The following CTNND2 variants were observed in gnomAD, a reference collection of about 807,000 sequenced individuals.
The protein encoded by CTNND2 is catenin delta 2.
In CTNND2, 22 loss-of-function variants were observed where a neutral mutation model predicts 144.4. That is an observed-to-expected ratio of 0.15 (90% confidence interval 0.11 to 0.22). CTNND2 has a LOEUF of 0.22. CTNND2 is among the 10% of genes least tolerant of loss of function. The pLI, the probability that CTNND2 is intolerant of heterozygous loss-of-function variation, is 1.00. For synonymous variants in CTNND2, 751 were observed against 695.6 expected (o/e 1.08, Z -1.25); for missense variants, 1,353 against 1,618.8 (o/e 0.84, Z 2.82).
intron 1 of CTNND2, among the ~76,000 whole-genome samples, chr5:11,807,357 A>T (rs1792060259): frequency 6.6e-6 from 1 of 152,154 alleles, no homozygotes; most frequent in Non-Finnish European, 1.5e-5. Flanking sequence ...GCTTGCTTAA[A>T]CCATCCCTAC....
intron 3 of CTNND2, among the ~76,000 whole-genome samples, chr5:11,455,790 T>C (rs915779917): frequency 2.6e-5 from 4 of 152,312 alleles, no homozygotes; most frequent in Admixed American, 6.5e-5. Flanking sequence ...AGAAGGTTTT[T>C]TTTTCTGCTC....
intron 6 of CTNND2, among the ~76,000 whole-genome samples, chr5:11,389,975 T>C (rs992656460): frequency 2.6e-5 from 4 of 152,174 alleles, no homozygotes; most frequent in African/African-American, 9.7e-5. Flanking sequence ...GGGAGTCCCA[T>C]CCCAAGAAAT....
In CTNND2 at chr5:11,443,294, G is replaced by A. The variant is rs151209505; in HGVS notation, c.288-31225C>T. On this transcript the variant is annotated intron_variant, in intron 3 of 21. Coordinates refer to ENST00000304623, the MANE Select transcript of CTNND2 (RefSeq NM_001332.4). ...TGTGGTATGTGTGCATGTGTGTGGT[G>A]TGTGTGCATGTGTGTGGTGTGTGTG... Among the ~76,000 whole-genome samples the A allele has an allele frequency of 6.7e-3, 627 of 93,648 alleles. 6 individuals are homozygous for A. Among genetic ancestry groups the A allele is most frequent in the African/African-American group, 0.047 (577 of 12,288 alleles). 61.4% of individuals were successfully genotyped at this position (93,648 alleles called of 152,430 possible).
At chr5:11,316,763 T>TA in intron 9 of CTNND2, among the ~76,000 whole-genome samples, 1 of 151,810 alleles carries the variant, frequency 6.6e-6, no homozygotes, top group East Asian at 1.9e-4. Context: ...GTCCTTGCGA[T>TA]GTTTACTAAG....
intron 3 of CTNND2, among the ~76,000 whole-genome samples, chr5:11,418,234 C>T (rs1197355316): frequency 6.6e-6 from 1 of 151,860 alleles, no homozygotes; most frequent in African/African-American, 2.4e-5. Flanking sequence ...TGGAGAAACC[C>T]CATCTCTACT....
At chr5:11,897,123 C>T (rs997157820) in intron 1 of CTNND2, among the ~76,000 whole-genome samples, 1 of 152,186 alleles carries the variant, frequency 6.6e-6, no homozygotes, top group African/African-American at 2.4e-5. Flanking sequence ...AAGAACAATG[C>T]TCCACACCAG....
chr5:11,062,281 C>A (rs183781941), intron 16 of CTNND2, among the ~76,000 whole-genome samples: 2 of 152,284 alleles, frequency 1.3e-5, no homozygotes, highest in Non-Finnish European at 2.9e-5. Context: ...TGAATTGTGG[C>A]ACTTCTATTT....
At chr5:11,010,792 G>C (rs1304445196) in intron 18 of CTNND2, among the ~76,000 whole-genome samples, 1 of 152,238 alleles carries the variant, frequency 6.6e-6, no homozygotes, top group East Asian at 1.9e-4. Flanking sequence ...GTGTGAGACA[G>C]GCCATGAAGG....
intron 10 of CTNND2, among the ~76,000 whole-genome samples, chr5:11,207,277 C>T (rs1053404083): frequency 6.6e-6 from 1 of 151,662 alleles, no homozygotes; most frequent in African/African-American, 2.4e-5. Context: ...AGGAGAAATA[C>T]CTAACGTACA....
At chr5:11,223,657 C>T (rs1213064916) in intron 10 of CTNND2, among the ~76,000 whole-genome samples, 2 of 152,174 alleles carry the variant, frequency 1.3e-5, no homozygotes, top group Non-Finnish European at 2.9e-5. Context: ...CCTCTAGAGC[C>T]AGGAGAGGTG....
chr5:11,209,484 T>A (rs185900832), intron 10 of CTNND2, among the ~76,000 whole-genome samples: 51 of 152,296 alleles, frequency 3.3e-4, no homozygotes, highest in African/African-American at 1.1e-3. Flanking sequence ...AGAAGTTGAC[T>A]ATAGATCATG....
chr5:10,973,504 T>C lies in CTNND2; in HGVS notation c.3627A>G (p.Glu1209=). ...DFYSAARPYS[E]LNYETSHYPA... is the part of the protein sequence containing the mutation. Reference sequence around the variant, plus strand: ...GGTAGTGGCTCGTTTCATAGTTCAGTTCACTGTAGGGACGGGCAGCTGAGT... The same window carrying C: ...GGTAGTGGCTCGTTTCATAGTTCAGCTCACTGTAGGGACGGGCAGCTGAGT... The change falls in exon 22 of 22, where the codon GAA becomes GAG. Residue 1209 remains glutamate (E), a synonymous_variant. Coordinates refer to ENST00000304623, the MANE Select transcript of CTNND2 (RefSeq NM_001332.4). The surrounding 1 kb of genome is among the most constrained non-coding windows in gnomAD (Gnocchi z 5.6). 1 of 1,610,588 alleles carries C rather than the reference T, an allele frequency of 6.2e-7. No individual in the cohort carries two copies. The highest frequency in any genetic ancestry group is 8.5e-7 in the Non-Finnish European group (1 of 1,178,178).
At chr5:11,216,578 C>T (rs1739223686) in intron 10 of CTNND2, among the ~76,000 whole-genome samples, 1 of 152,222 alleles carries the variant, frequency 6.6e-6, no homozygotes, top group African/African-American at 2.4e-5. Context: ...CAGAAAGGAA[C>T]ACAAACCTGC....
At chr5:11,223,491 T>TCC (rs1165893464) in intron 10 of CTNND2, among the ~76,000 whole-genome samples, 154 of 152,302 alleles carry the variant, frequency 1.0e-3, no homozygotes, top group Non-Finnish European at 1.9e-3. Flanking sequence ...TAGCTTCCTT[T>TCC]CCTCTCCTAG....
chr5:11,034,329 T>C (rs1339209159), intron 16 of CTNND2, among the ~76,000 whole-genome samples: 1 of 152,228 alleles, frequency 6.6e-6, no homozygotes, highest in Admixed American at 6.5e-5. Context: ...AGTGTTCAGC[T>C]AGATTGAATT....
At chr5:11,420,062 C>T (rs1762242208) in intron 3 of CTNND2, among the ~76,000 whole-genome samples, 2 of 152,154 alleles carry the variant, frequency 1.3e-5, no homozygotes, top group South Asian at 4.2e-4. Context: ...TGGTGGCTCA[C>T]ACCTGTAATC....
intron 1 of CTNND2, among the ~76,000 whole-genome samples, chr5:11,752,242 T>C (rs1328267967): frequency 3.3e-5 from 5 of 151,928 alleles, no homozygotes; most frequent in Non-Finnish European, 5.9e-5. Flanking sequence ...TTTGTTGCAA[T>C]TGCTTTTGGT....
At chr5:11,719,123 T>C (rs899940001) in intron 2 of CTNND2, among the ~76,000 whole-genome samples, 4 of 152,212 alleles carry the variant, frequency 2.6e-5, no homozygotes, top group South Asian at 2.1e-4. Context: ...GTTTCAGAAA[T>C]GTTACATAAC....
intron 2 of CTNND2, among the ~76,000 whole-genome samples, chr5:11,672,035 C>A (rs1279790479): frequency 6.6e-6 from 1 of 152,166 alleles, no homozygotes; most frequent in African/African-American, 2.4e-5. Flanking sequence ...AACAGTGAAG[C>A]CGCTCTGAGG....
Sources: allele counts gnomAD v4.1 joint callset (sites outside exome capture counted in the v4.1 genomes callset), GRCh38; gene constraint gnomAD v4.1.1; non-coding constraint Gnocchi (gnomAD v3.1); transcripts MANE v1.5; gene names NCBI Gene and HGNC (gene_info 2026-07-23, HGNC 2026-07-21).